DHX36: variants seen among roughly 807,000 people sequenced by gnomAD.
The protein encoded by DHX36 is DEAH-box helicase 36.
DHX36 carries 50 observed loss-of-function variants against 139.0 expected under a neutral mutation model. That is an observed-to-expected ratio of 0.36 (90% CI 0.29 to 0.46). The LOEUF is 0.46. Ranked by LOEUF, DHX36 falls within the 20% of genes least tolerant of loss-of-function variation. DHX36 has a pLI of 1.00. For synonymous variants in DHX36, 425 were observed against 401.9 expected (o/e 1.06, Z -0.69); for missense variants, 1,024 against 1,211.3 (o/e 0.85, Z 2.29).
chr3:154,311,276 G>A (rs1712754454), intron 4 of DHX36, among the ~76,000 whole-genome samples: 1 of 152,012 alleles, frequency 6.6e-6, no homozygotes, highest in East Asian at 1.9e-4. Context: ...TGTATTTTTA[G>A]TAGTACTTTT....
chr3:154,288,821 G>C (rs997534639), intron 17 of DHX36, 45 bp downstream of exon 17: 8 of 1,132,894 alleles, frequency 7.1e-6, no homozygotes, highest in Non-Finnish European at 8.8e-6. Context: ...TTTACATGCT[G>C]TAGTATTCTA....
chr3:154,316,867 G>A (rs1265797952), intron 1 of DHX36, among the ~76,000 whole-genome samples: 1 of 151,256 alleles, frequency 6.6e-6, no homozygotes, highest in Non-Finnish European at 1.5e-5. Flanking sequence ...TTTAGATATA[G>A]TAAGTTGAAA....
chr3:154,279,750 T>C (rs1576854720), intron 22 of DHX36: 1 of 152,182 alleles, frequency 6.6e-6, no homozygotes, highest in East Asian at 1.9e-4. Context: ...CTTTATTTTT[T>C]CATGTTTATA....
At chr3:154,300,941 T>C in intron 10 of DHX36, 46 bp downstream of exon 10, 2 of 1,600,238 alleles carry the variant, frequency 1.2e-6, no homozygotes, top group Non-Finnish European at 1.7e-6. Context: ...TGGCTTTTTG[T>C]TTTATTTAGC....
At chr3:154,300,790 G>A (rs1712238587) in intron 10 of DHX36, 94 bp from the exon 11 acceptor site, 1 of 1,298,666 alleles carries the variant, frequency 7.7e-7, no homozygotes, top group East Asian at 2.3e-5. Context: ...TGCAAATGGA[G>A]GAACATAATC....
At chr3:154,280,714 T>C (rs1444047959) in intron 21 of DHX36, 45 bp from the exon 22 acceptor site, 2 of 1,603,432 alleles carry the variant, frequency 1.2e-6, no homozygotes, top group Non-Finnish European at 1.7e-6. Context: ...AGTAAAATAC[T>C]GATACAATAG....
chr3:154,314,648 T>C (rs1712893857), intron 3 of DHX36: 1 of 156,086 alleles, frequency 6.4e-6, no homozygotes, highest in African/African-American at 2.4e-5. Context: ...GCACATCACA[T>C]AATTTTTGAA....
In DHX36 at chr3:154,301,081, A is replaced by T; in HGVS notation, c.1264T>A (p.Phe422Ile). Residue 422 changes from phenylalanine to isoleucine, a missense_variant, in exon 10 of 25, where the codon TTC becomes ATC. Physicochemically the swap from Phe to Ile is conservative, Grantham distance 21 (BLOSUM62 0). Around this residue, in one of 4 missense-constraint regions of DHX36, gnomAD observed 115 missense variants for 105.6 expected, o/e 1.09. Coordinates refer to ENST00000496811, the MANE Select transcript of DHX36 (RefSeq NM_020865.3). ...KEHRSQFKRG[F>I]MQGHVNRQEK... is the part of the protein sequence containing the mutation. ...TGTCTATTTACATGCCCTTGCATGA[A>T]ACCCCTCTTAAACTGGGATCTGTGT... 2 of 1,612,330 alleles carry T rather than the reference A, an allele frequency of 1.2e-6. No homozygotes were observed. Among genetic ancestry groups the T allele is most frequent in the Non-Finnish European group, 1.7e-6 (2 of 1,179,616 alleles).
At chr3:154,278,000 T>G (rs1719210205) in intron 22 of DHX36, 1 of 228,180 alleles carries the variant, frequency 4.4e-6, no homozygotes, top group East Asian at 9.3e-5. Flanking sequence ...TTACTCAACA[T>G]TTTAGAAAAA....
Position 154,304,829 on chromosome 3 carries a change from G to A in DHX36, c.1112C>T (p.Ala371Val). ...KVILMSATLN[A>V]EKFSEYFGNC... ...ACCAAAATATTCTGAAAACTTTTCT[G>A]CATTCAATGTTGCACTCATCAATAT... The change falls in exon 8 of 25, where the codon GCA becomes GTA. Residue 371 changes from alanine to valine, a missense_variant. Ala to Val is a moderately conservative substitution (Grantham distance 64). This residue lies in a region of DHX36 where 146 missense variants were observed against 215.0 expected (regional missense o/e 0.68). Coordinates refer to ENST00000496811, the MANE Select transcript of DHX36 (RefSeq NM_020865.3). The A allele has an allele frequency of 6.4e-7, 1 of 1,569,156 alleles. No homozygotes were observed. The highest frequency in any genetic ancestry group is 2.0e-5 in the Admixed American group (1 of 49,122).
intron 15 of DHX36, among the ~76,000 whole-genome samples, chr3:154,291,597 A>G (rs1379184009): frequency 1.3e-5 from 2 of 152,214 alleles, no homozygotes; most frequent in African/African-American, 4.8e-5. Context: ...ACTGTCTTGA[A>G]ATCAAATTAT....
At chr3:154,294,607 T>C (rs540998805) in intron 13 of DHX36, among the ~76,000 whole-genome samples, 6 of 152,286 alleles carry the variant, frequency 3.9e-5, no homozygotes, top group Non-Finnish European at 8.8e-5. Context: ...ATGTACTCTG[T>C]ATCTAATTCA....
At chr3:154,292,782 T>A in intron 14 of DHX36, 88 bp from the exon 15 acceptor site, 1 of 1,504,706 alleles carries the variant, frequency 6.6e-7, no homozygotes. Context: ...TATTAACCTA[T>A]AAAAGACCAA....
chr3:154,307,391 G>A (rs949164640), intron 5 of DHX36, among the ~76,000 whole-genome samples: 1 of 152,098 alleles, frequency 6.6e-6, no homozygotes, highest in Non-Finnish European at 1.5e-5. Context: ...CAAATACCCA[G>A]TATATACAAG....
intron 20 of DHX36, among the ~76,000 whole-genome samples, chr3:154,282,621 A>G (rs545998856): frequency 6.7e-6 from 1 of 149,990 alleles, no homozygotes; most frequent in South Asian, 2.1e-4. Flanking sequence ...TTGGTATGTT[A>G]GATTTTTTTG....
rs1712227224 is a variant in DHX36 at position 154,300,571 on chromosome 3, GAAGA to G, written c.1461+19_1461+22del. On this transcript the variant is annotated intron_variant, in intron 11 of 24. Transcript: ENST00000496811. ...TAATAAAATTAAAATTATGTTAACT[GAAGA>G]AAGAAAAATAAAACTAACCTCTTCT... The G allele has an allele frequency of 6.4e-7, 1 of 1,574,626 alleles. No individual in the cohort carries two copies. Among genetic ancestry groups the G allele is most frequent in the East Asian group, 2.2e-5 (1 of 44,582 alleles).
In DHX36 at chr3:154,288,961, A is replaced by G; in HGVS notation, c.1936T>C (p.Leu646=). ...AAATAAGCAATTCCACCTAGCCTTA[A>G]AATCTAAGTGGGGGAGACAAATATT... is the stretch of plus-strand genomic sequence containing the variant. The part of the protein sequence containing the change: ...LEELCLQIKI[L]RLGGIAYFLS... Residue 646 remains leucine (L), a synonymous_variant, in exon 17 of 25, where the codon TTA becomes CTA. Coordinates refer to ENST00000496811, the MANE Select transcript of DHX36 (RefSeq NM_020865.3). 6.5e-7 allele frequency: 1 copy of G among 1,527,396 alleles called. No homozygotes were observed. The highest frequency in any genetic ancestry group is 8.9e-7 in the Non-Finnish European group (1 of 1,124,218). 94.6% of individuals were successfully genotyped at this position (1,527,396 alleles called of 1,614,324 possible). A position where few individuals can be genotyped will look rare whatever the true frequency, so the allele number is the denominator to read the frequency against.
intron 4 of DHX36, among the ~76,000 whole-genome samples, chr3:154,310,199 T>C (rs758855664): frequency 4.2e-4 from 64 of 152,316 alleles, no homozygotes; most frequent in African/African-American, 1.4e-3. Context: ...TTCATAAATA[T>C]GGCTTTGTCT....
chr3:154,302,046 T>C (rs1049789821), intron 9 of DHX36, among the ~76,000 whole-genome samples: 13 of 149,334 alleles, frequency 8.7e-5, no homozygotes, highest in African/African-American at 2.5e-4. Context: ...AGTACTGGCA[T>C]GAGATTTTTA....
Sources: gnomAD v4.1 joint callset for allele counts (sites outside exome capture counted in the v4.1 genomes callset) on GRCh38, gnomAD v4.1.1 for gene constraint, gnomAD v4.1.1 regional missense constraint, MANE v1.5 for transcripts, NCBI Gene and HGNC (gene_info 2026-07-23, HGNC 2026-07-21) for gene names.